Variants in COPG2 observed in about 807,000 individuals in gnomAD.
COPG2 encodes the protein coatomer subunit gamma-2.
Under a neutral mutation model 46.3 loss-of-function variants are expected in COPG2, and 37 were observed. The ratio of observed to expected loss-of-function variants is 0.80; its 90% CI spans 0.61 to 1.05. The LOEUF (loss-of-function observed/expected upper bound fraction) is 1.05. Among genes scored for constraint, COPG2 ranks in the 50% least tolerant of loss-of-function variants. COPG2 has a pLI of 0.00. For missense variants in COPG2, 427 were observed against 387.8 expected (o/e 1.10, Z -0.85); for synonymous variants, 159 against 129.7 (o/e 1.23, Z -1.53).
chr7:130,637,218 G>A (rs940053676), intron 5 of COPG2, among the ~76,000 whole-genome samples: 6 of 152,098 alleles, frequency 3.9e-5, no homozygotes, highest in East Asian at 3.9e-4. Flanking sequence ...TGCTCTTCTC[G>A]AGGAGTATCT....
chr7:130,627,585 A>T (rs1275511068), intron 5 of COPG2, among the ~76,000 whole-genome samples: 3 of 152,088 alleles, frequency 2.0e-5, no homozygotes, highest in African/African-American at 7.2e-5. Context: ...TTCTTTACCT[A>T]CACCCATCTT....
intron 9 of COPG2, among the ~76,000 whole-genome samples, chr7:130,585,840 G>C (rs547998618): frequency 6.6e-6 from 1 of 152,188 alleles, no homozygotes; most frequent in South Asian, 2.1e-4. Flanking sequence ...TGGATGCGGT[G>C]AACAGGGAAT....
chr7:130,598,694 C>T (rs1010012561), intron 9 of COPG2, among the ~76,000 whole-genome samples: 2 of 152,168 alleles, frequency 1.3e-5, no homozygotes, highest in African/African-American at 2.4e-5. Flanking sequence ...GAGGGGCTTG[C>T]GCTGCAATAA....
chr7:130,668,723 C>T lies in COPG2; in HGVS notation c.-55G>A, dbSNP rs1488058933. The T allele has an allele frequency of 1.3e-6, 2 of 1,501,622 alleles. No homozygotes were observed. Among genetic ancestry groups the T allele is most frequent in the Non-Finnish European group, 1.8e-6 (2 of 1,123,764 alleles). 93.0% of individuals were successfully genotyped at this position (1,501,622 alleles called of 1,614,324 possible). On this transcript the variant is annotated 5_prime_UTR_variant, in exon 1 of 24. Coordinates refer to ENST00000425248, the MANE Select transcript of COPG2 (RefSeq NM_012133.6). ...CCGCAACCGTCCCAGGCGCCGCAGC[C>T]GGCGAGCGGAAGAGGCTGCAGGAAG...
At chr7:130,624,712 C>T (rs1354671618) in intron 5 of COPG2, among the ~76,000 whole-genome samples, 1 of 152,210 alleles carries the variant, frequency 6.6e-6, no homozygotes, top group Non-Finnish European at 1.5e-5. Flanking sequence ...TAATGGCCTC[C>T]AGTTCCATCC....
rs530175131 is a variant in COPG2, at chr7:130,656,260, TA to T, written c.244-3313del. Among the ~76,000 whole-genome samples the T allele has an allele frequency of 2.4e-3, 366 of 152,076 alleles. 3 individuals are homozygous for T. The highest frequency in any genetic ancestry group is 8.0e-3 in the African/African-American group (333 of 41,528). On this transcript the variant is annotated intron_variant, in intron 4 of 23. Coordinates refer to ENST00000425248, the MANE Select transcript of COPG2 (RefSeq NM_012133.6). ...TTGGAAGAGAAAAATAATTAATTTT[TA>T]AAAAAATCAATGAAACAGAAAGCTG...
chr7:130,519,005 C>A (rs1457742010), intron 20 of COPG2, among the ~76,000 whole-genome samples: 593 of 116,388 alleles, frequency 5.1e-3, no homozygotes, highest in African/African-American at 8.6e-3. Context: ...GACTCTGTCT[C>A]AAAAAAAAAA....
intron 9 of COPG2, among the ~76,000 whole-genome samples, chr7:130,599,126 A>AGAAAACT (rs1554450051): frequency 6.6e-6 from 1 of 152,208 alleles, no homozygotes; most frequent in Non-Finnish European, 1.5e-5. Flanking sequence ...AAGCAGATAT[A>AGAAAACT]GAAAACTGTC....
chr7:130,537,250 A>C (rs1245545784), intron 20 of COPG2, among the ~76,000 whole-genome samples: 2 of 151,600 alleles, frequency 1.3e-5, no homozygotes, highest in African/African-American at 4.9e-5. Flanking sequence ...AGGAAGGTTT[A>C]GGGGAGTCAG....
chr7:130,628,182 C>T (rs1795150963), intron 5 of COPG2, among the ~76,000 whole-genome samples: 1 of 152,008 alleles, frequency 6.6e-6, no homozygotes, highest in African/African-American at 2.4e-5. Context: ...TCAAATCAGT[C>T]TGTGGTCTGG....
At chr7:130,606,340 AGAAG>A (rs1301437813) in intron 9 of COPG2, among the ~76,000 whole-genome samples, 16 of 152,062 alleles carry the variant, frequency 1.1e-4, no homozygotes, top group South Asian at 2.1e-4. Context: ...GAAGGAAGGA[AGAAG>A]GAAGGAAGGA....
At position 130,507,448 on chromosome 7, in the gene COPG2, G is replaced by C. The variant is rs1199035287; in HGVS notation, c.2387-76C>G. 9 of 766,056 alleles carry C rather than the reference G, an allele frequency of 1.2e-5. No individual in the cohort carries two copies. In the African/African-American group the frequency reaches 1.4e-4, roughly 12 times the overall value. 47.5% of individuals were successfully genotyped at this position (766,056 alleles called of 1,614,324 possible). On this transcript the variant is annotated intron_variant, in intron 22 of 23. Coordinates refer to ENST00000425248, the MANE Select transcript of COPG2 (RefSeq NM_012133.6). ...TCTCCCTCTGCACCAGTGTATGCTG[G>C]GAGCTGGGGTGGAAGGGTTTGTTGG...
chr7:130,611,657 G>A (rs10954272), intron 8 of COPG2, among the ~76,000 whole-genome samples: 97,175 of 152,002 alleles, frequency 0.64, 33,832 homozygotes, highest in Non-Finnish European at 0.78. Context: ...GGGCATAAAC[G>A]CCCTCTCAAA....
intron 12 of COPG2, among the ~76,000 whole-genome samples, chr7:130,558,914 T>C: frequency 6.6e-6 from 1 of 152,288 alleles, no homozygotes; most frequent in East Asian, 1.9e-4. Flanking sequence ...AAAAATTCAA[T>C]GGACCAGAGA....
chr7:130,633,325 C>A (rs1433934151), intron 5 of COPG2, among the ~76,000 whole-genome samples: 1 of 152,198 alleles, frequency 6.6e-6, no homozygotes, highest in Admixed American at 6.5e-5. Flanking sequence ...GCCACACTGT[C>A]TTCCACAATG....
At chr7:130,600,687 A>G (rs1376289183) in intron 9 of COPG2, among the ~76,000 whole-genome samples, 3 of 152,044 alleles carry the variant, frequency 2.0e-5, no homozygotes, top group African/African-American at 2.4e-5. Flanking sequence ...TTTATTTTCA[A>G]TGTTTCCTGT....
chr7:130,551,122 G>A (rs1793530083), intron 16 of COPG2, 119 bp downstream of exon 16: 1 of 392,972 alleles, frequency 2.5e-6, no homozygotes, highest in East Asian at 3.6e-5. Flanking sequence ...AAATGGAAGT[G>A]CACTCAAAGA....
rs182213102 is a variant in COPG2, at chr7:130,636,731, T to G, written c.323+16138A>C. On this transcript the variant is annotated intron_variant, in intron 5 of 23. Transcript: ENST00000425248. ...CATTTAGCCAGTTTACATTTAAGGT[T>G]GATATTGTTATATGTGAATTTGATC... 4.6e-5 allele frequency among the ~76,000 whole-genome samples: 7 copies of G among 152,314 alleles called. No homozygotes were observed. In the East Asian group the frequency reaches 1.3e-3, roughly 29 times the overall value.
At chr7:130,641,887 C>A (rs1410552391) in intron 5 of COPG2, among the ~76,000 whole-genome samples, 1 of 152,174 alleles carries the variant, frequency 6.6e-6, no homozygotes. Context: ...TCAAAACTGC[C>A]TAGCTGATAA....
Sources: gnomAD v4.1 joint callset for allele counts (sites outside exome capture counted in the v4.1 genomes callset) on GRCh38, gnomAD v4.1.1 for gene constraint, MANE v1.5 for transcripts, NCBI Gene and HGNC (gene_info 2026-07-23, HGNC 2026-07-21) for gene names.